INPP4B: variants seen among roughly 807,000 people sequenced by gnomAD.
INPP4B encodes inositol polyphosphate 4-phosphatase type II.
INPP4B carries 55 observed loss-of-function variants against 122.5 expected under a neutral mutation model. That is an observed-to-expected ratio of 0.45 (90% CI 0.36 to 0.56). The LOEUF (loss-of-function observed/expected upper bound fraction) is 0.56, where lower values mean the gene tolerates loss of function less well. INPP4B is among the 20% of genes least tolerant of loss of function. The pLI, the probability that INPP4B is intolerant of heterozygous loss-of-function variation, is 0.00. For missense variants in INPP4B, 1,000 were observed against 1,097.7 expected (o/e 0.91, Z 1.26); for synonymous variants, 403 against 388.7 (o/e 1.04, Z -0.43).
intron 21 of INPP4B, among the ~76,000 whole-genome samples, chr4:142,116,340 C>T (rs1043610952): frequency 4.6e-5 from 7 of 152,118 alleles, no homozygotes; most frequent in African/African-American, 1.7e-4. Flanking sequence ...ACTCTCCACC[C>T]CAAATCAACA....
chr4:142,428,064 T>G (rs1808488416), intron 5 of INPP4B, among the ~76,000 whole-genome samples: 1 of 151,694 alleles, frequency 6.6e-6, no homozygotes, highest in African/African-American at 2.4e-5. Flanking sequence ...TATAGCACAA[T>G]TTTTAGCTAT....
chr4:142,702,926 T>C (rs1022571233), intron 2 of INPP4B, among the ~76,000 whole-genome samples: 2 of 152,170 alleles, frequency 1.3e-5, no homozygotes, highest in Non-Finnish European at 2.9e-5. Flanking sequence ...CTAATATCTA[T>C]CATGTTGAAG....
At chr4:142,718,058 T>C (rs4690698) in intron 2 of INPP4B, among the ~76,000 whole-genome samples, 109,103 of 151,870 alleles carry the variant, frequency 0.72, 39,317 homozygotes, top group East Asian at 0.81. Context: ...GTAAGTCGTA[T>C]GCATATGAGA....
chr4:142,595,480 C>T (rs1386439630), intron 2 of INPP4B, among the ~76,000 whole-genome samples: 1 of 152,142 alleles, frequency 6.6e-6, no homozygotes, highest in Admixed American at 6.5e-5. Flanking sequence ...TTTATCATAG[C>T]ATGATGGAAT....
chr4:142,250,810 T>C (rs1449272248), intron 11 of INPP4B, among the ~76,000 whole-genome samples: 3 of 152,148 alleles, frequency 2.0e-5, no homozygotes, highest in Admixed American at 6.5e-5. Context: ...ACTACAGACA[T>C]TTAGAAATAT....
chr4:142,749,387 A>G (rs939724231), intron 1 of INPP4B, among the ~76,000 whole-genome samples: 4 of 150,458 alleles, frequency 2.7e-5, no homozygotes, highest in Non-Finnish European at 5.9e-5. Flanking sequence ...TTCTAACTTC[A>G]AAAAAGTAAC....
At chr4:142,588,887 C>T (rs187025047) in intron 2 of INPP4B, among the ~76,000 whole-genome samples, 384 of 151,798 alleles carry the variant, frequency 2.5e-3, no homozygotes, top group African/African-American at 8.3e-3. Flanking sequence ...GAATAGTCAA[C>T]GCAATACTGA....
intron 18 of INPP4B, among the ~76,000 whole-genome samples, chr4:142,131,593 T>A (rs1417649468): frequency 6.6e-6 from 1 of 152,232 alleles, no homozygotes; most frequent in East Asian, 1.9e-4. Context: ...AACTTATAAA[T>A]GCTGAGTAAG....
At chr4:142,583,997 C>G (rs1181274992) in intron 2 of INPP4B, among the ~76,000 whole-genome samples, 2 of 152,044 alleles carry the variant, frequency 1.3e-5, no homozygotes, top group Non-Finnish European at 2.9e-5. Context: ...CTCTCCAGCT[C>G]TCGCCTCTCA....
At chr4:142,209,795 A>AT (rs1277287248) in intron 12 of INPP4B, among the ~76,000 whole-genome samples, 1 of 148,278 alleles carries the variant, frequency 6.7e-6, no homozygotes, top group East Asian at 2.0e-4. Flanking sequence ...CCCGTCTCAA[A>AT]AAAAAAAAAA....
At chr4:142,828,510 A>T (rs938060379) in intron 1 of INPP4B, among the ~76,000 whole-genome samples, 2 of 152,218 alleles carry the variant, frequency 1.3e-5, no homozygotes, top group Admixed American at 1.3e-4. Context: ...GACTCTACTT[A>T]GACAGAGAAG....
rs149058836 is a variant in INPP4B, at chr4:142,213,511, G to C, written c.837-4485C>G. On this transcript the variant is annotated intron_variant, in intron 12 of 25. Coordinates refer to ENST00000262992, the MANE Select transcript of INPP4B (RefSeq NM_001101669.3). The stretch of plus-strand genomic sequence containing the variant: ...AACCCTGGAGTAACTGAGAAAGGAG[G>C]CTGGCTAATATCCACTGGACACGTG... 2.7e-3 allele frequency among the ~76,000 whole-genome samples: 416 copies of C among 152,258 alleles called. 1 individual carries two copies. Among genetic ancestry groups the C allele is most frequent in the Admixed American group, 4.4e-3 (67 of 15,308 alleles).
intron 22 of INPP4B, among the ~76,000 whole-genome samples, chr4:142,112,098 C>T (rs923478857): frequency 6.6e-6 from 1 of 152,092 alleles, no homozygotes; most frequent in Non-Finnish European, 1.5e-5. Context: ...CATTTGCTGA[C>T]TGAGCAAGTC....
chr4:142,233,818 TTTATA>T (rs1264357174), intron 12 of INPP4B, among the ~76,000 whole-genome samples: 1 of 151,882 alleles, frequency 6.6e-6, no homozygotes, highest in African/African-American at 2.4e-5. Context: ...TAATTTAATT[TTTATA>T]TTATATTACA....
chr4:142,190,717 A>AGAGTGTGT (rs1554001496), intron 15 of INPP4B, among the ~76,000 whole-genome samples: 1 of 143,894 alleles, frequency 6.9e-6, no homozygotes, highest in Non-Finnish European at 1.5e-5. Flanking sequence ...GATCTGTAAG[A>AGAGTGTGT]GTGTGTGTGT....
intron 9 of INPP4B, among the ~76,000 whole-genome samples, chr4:142,297,685 C>A (rs914813052): frequency 6.6e-6 from 1 of 152,212 alleles, no homozygotes; most frequent in Non-Finnish European, 1.5e-5. Flanking sequence ...GCCAATTAAA[C>A]CTCTTTTCTT....
At chr4:142,728,874 A>G (rs1765686296) in intron 1 of INPP4B, among the ~76,000 whole-genome samples, 2 of 152,202 alleles carry the variant, frequency 1.3e-5, no homozygotes, top group South Asian at 4.1e-4. Context: ...TATGGCAGTC[A>G]AAGAAACTAA....
At chr4:142,838,997 A>C (rs1352133612) in intron 1 of INPP4B, among the ~76,000 whole-genome samples, 1 of 152,222 alleles carries the variant, frequency 6.6e-6, no homozygotes, top group Non-Finnish European at 1.5e-5. Flanking sequence ...TCACTCACTG[A>C]AAGTTCAGTC....
At chr4:142,497,679 T>C (rs1239303116) in intron 2 of INPP4B, among the ~76,000 whole-genome samples, 1 of 152,218 alleles carries the variant, frequency 6.6e-6, no homozygotes, top group East Asian at 1.9e-4. Context: ...TTTAATTTCA[T>C]TGACTTTTTC....
Sources: allele counts gnomAD v4.1 joint callset (sites outside exome capture counted in the v4.1 genomes callset), GRCh38; gene constraint gnomAD v4.1.1; transcripts MANE v1.5; gene names NCBI Gene and HGNC (gene_info 2026-07-23, HGNC 2026-07-21).